SRRM4: variants seen among roughly 807,000 people sequenced by gnomAD.
SRRM4 encodes serine/arginine repetitive matrix protein 4.
SRRM4 carries 33 observed loss-of-function variants against 68.9 expected under a neutral mutation model. The observed-to-expected ratio is 0.48, with a 90% CI of 0.36 to 0.64. SRRM4 has a LOEUF of 0.64. Among genes scored for constraint, SRRM4 ranks in the 30% least tolerant of loss-of-function variants. SRRM4 has a pLI of 0.00. For synonymous variants in SRRM4, 318 were observed against 318.8 expected (o/e 1.00, Z 0.03); for missense variants, 817 against 827.1 (o/e 0.99, Z 0.15).
At chr12:119,105,315 A>G (rs1954100488) in intron 2 of SRRM4, among the ~76,000 whole-genome samples, 1 of 152,160 alleles carries the variant, frequency 6.6e-6, no homozygotes, top group South Asian at 2.1e-4. Context: ...CATGATTTAT[A>G]ATCCTTTGGT....
intron 1 of SRRM4, among the ~76,000 whole-genome samples, chr12:119,040,182 C>CTTTTATTTTATTTTA (rs57507061): frequency 1.3e-5 from 2 of 151,356 alleles, no homozygotes; most frequent in African/African-American, 4.9e-5. Context: ...TAGCAGCTAC[C>CTTTTATTTTATTTTA]TTTTATTTTA....
chr12:119,053,507 G>A (rs1318422900), intron 1 of SRRM4, among the ~76,000 whole-genome samples: 2 of 152,186 alleles, frequency 1.3e-5, no homozygotes, highest in Non-Finnish European at 2.9e-5. Context: ...GCACTGTGTT[G>A]CCTTGAGAAA....
rs138930625 is a variant in SRRM4 at position 119,106,718 on chromosome 12, A to T, written c.278+4336A>T. ...CTTAAGGAGATTTTGAGCTGAGACA[A>T]TGGGGTTTTATAAATAGACAATCAT... On this transcript the variant is annotated intron_variant, in intron 2 of 12. Transcript: ENST00000267260. Among the ~76,000 whole-genome samples the T allele has an allele frequency of 9.6e-3, 1,466 of 152,278 alleles. 23 individuals are homozygous for T. Among genetic ancestry groups the T allele is most frequent in the African/African-American group, 0.033 (1,381 of 41,554 alleles).
chr12:119,089,390 A>G (rs189692904), intron 1 of SRRM4, among the ~76,000 whole-genome samples: 4 of 152,324 alleles, frequency 2.6e-5, no homozygotes, highest in East Asian at 3.9e-4. Context: ...GGAAGGACAG[A>G]CATTTCCTAT....
At chr12:119,149,953 C>T (rs1306215564) in intron 9 of SRRM4, among the ~76,000 whole-genome samples, 3 of 152,190 alleles carry the variant, frequency 2.0e-5, no homozygotes, top group African/African-American at 7.2e-5. Flanking sequence ...GAAGACAGCA[C>T]TCTAGCCTTC....
intron 4 of SRRM4, among the ~76,000 whole-genome samples, chr12:119,119,749 G>A (rs1173892233): frequency 6.6e-6 from 1 of 152,078 alleles, no homozygotes; most frequent in Non-Finnish European, 1.5e-5. Flanking sequence ...GATGATGACG[G>A]TGATGATGAG....
intron 1 of SRRM4, among the ~76,000 whole-genome samples, chr12:119,005,906 G>A (rs1953413073): frequency 6.6e-6 from 1 of 152,138 alleles, no homozygotes; most frequent in Non-Finnish European, 1.5e-5. Flanking sequence ...CAACAAACAA[G>A]CCGTGTGACC....
At chr12:119,082,934 G>A (rs1242014832) in intron 1 of SRRM4, among the ~76,000 whole-genome samples, 1 of 152,208 alleles carries the variant, frequency 6.6e-6, no homozygotes, top group Non-Finnish European at 1.5e-5. Context: ...CTGCTTAGCA[G>A]AGCAGAAGCT....
At chr12:119,089,429 G>A (rs1954000496) in intron 1 of SRRM4, among the ~76,000 whole-genome samples, 1 of 152,190 alleles carries the variant, frequency 6.6e-6, no homozygotes, top group African/African-American at 2.4e-5. Context: ...CACTGTGGAG[G>A]AGGCATTTCC....
chr12:119,152,280 C>A (rs993000953), intron 10 of SRRM4, among the ~76,000 whole-genome samples: 29 of 151,912 alleles, frequency 1.9e-4, no homozygotes, highest in African/African-American at 6.0e-4. Context: ...TGAGACAAGG[C>A]AACTGATGAA....
At chr12:118,995,761 C>T (rs1216469305) in intron 1 of SRRM4, among the ~76,000 whole-genome samples, 1 of 152,168 alleles carries the variant, frequency 6.6e-6, no homozygotes, top group Non-Finnish European at 1.5e-5. Context: ...TTTATGCTTG[C>T]TGAGAACTTG....
chr12:119,130,612 C>G (rs117841527), intron 7 of SRRM4, 66 bp from the exon 8 acceptor site: 3 of 1,501,124 alleles, frequency 2.0e-6, no homozygotes, highest in East Asian at 4.6e-5. Flanking sequence ...TCCTGTTGGT[C>G]CTGCATACAT....
intron 1 of SRRM4, among the ~76,000 whole-genome samples, chr12:119,037,233 T>G: frequency 6.6e-6 from 1 of 151,728 alleles, no homozygotes; most frequent in Admixed American, 6.6e-5. Flanking sequence ...GAGAGAGAGA[T>G]TTACCAGAAT....
chr12:119,123,861 A>G (rs1023260028), intron 6 of SRRM4, among the ~76,000 whole-genome samples: 4 of 152,246 alleles, frequency 2.6e-5, no homozygotes, highest in South Asian at 4.2e-4. Flanking sequence ...CCTGGCCTTG[A>G]AGAGCTCACA....
intron 1 of SRRM4, among the ~76,000 whole-genome samples, chr12:119,003,967 TTAA>T (rs1319022647): frequency 1.3e-5 from 2 of 152,080 alleles, no homozygotes; most frequent in East Asian, 3.9e-4. Flanking sequence ...TTTCAGGCTG[TTAA>T]TTATTAATGA....
rs748616004 is a variant in SRRM4 at position 119,156,475 on chromosome 12, C to T, written c.1533-20C>T. The T allele has an allele frequency of 6.4e-7, 1 of 1,572,428 alleles. No homozygotes were observed. ...CACGGAGGGGCCGGCCCTCATCCCT[C>T]CTCTCTCTGGTCTCTGCAGTGCCCG... On this transcript the variant is annotated intron_variant, in intron 12 of 12. Coordinates refer to ENST00000267260, the MANE Select transcript of SRRM4 (RefSeq NM_194286.4).
In SRRM4 at chr12:119,062,776, G is replaced by A. The variant is rs552683866; in HGVS notation, c.132-39460G>A. ...ATCTATGTATGGCTTGCCATTAACCGAAAGACTGTTATGCAGTGCACAGCC... is the reference window on the plus strand; with the variant it reads ...ATCTATGTATGGCTTGCCATTAACCAAAAGACTGTTATGCAGTGCACAGCC... On this transcript the variant is annotated intron_variant, in intron 1 of 12. Coordinates refer to ENST00000267260, the MANE Select transcript of SRRM4 (RefSeq NM_194286.4). Among the ~76,000 whole-genome samples, 453 of 152,260 alleles carry A rather than the reference G, an allele frequency of 3.0e-3. 1 individual carries two copies. The highest frequency in any genetic ancestry group is 5.1e-3 in the Non-Finnish European group (348 of 68,024).
intron 7 of SRRM4, among the ~76,000 whole-genome samples, chr12:119,126,014 C>CTTTTTTTTTTTTTTTT (rs34680171): frequency 1.5e-4 from 11 of 71,162 alleles, no homozygotes; most frequent in Non-Finnish European, 2.2e-4. Context: ...ATACTAGCTG[C>CTTTTTTTTTTTTTTTT]TTTTTTTTTT....
chr12:119,021,465 G>C (rs1953515250), intron 1 of SRRM4, among the ~76,000 whole-genome samples: 1 of 152,198 alleles, frequency 6.6e-6, no homozygotes, highest in African/African-American at 2.4e-5. Flanking sequence ...CCTTGAGTCA[G>C]ATAGGCAGGC....
Sources: gnomAD v4.1 joint callset for allele counts (sites outside exome capture counted in the v4.1 genomes callset) on GRCh38, gnomAD v4.1.1 for gene constraint, MANE v1.5 for transcripts, NCBI Gene and HGNC (gene_info 2026-07-23, HGNC 2026-07-21) for gene names.